SLC28A2: variants seen among roughly 807,000 people sequenced by gnomAD.
SLC28A2 encodes sodium/nucleoside cotransporter 2.
Under a neutral mutation model 72.9 loss-of-function variants are expected in SLC28A2, and 69 were observed. The ratio of observed to expected loss-of-function variants is 0.95; its 90% CI spans 0.78 to 1.16. The LOEUF (loss-of-function observed/expected upper bound fraction) is 1.16. Ranked by LOEUF, SLC28A2 falls within the 50% of genes most tolerant of loss-of-function variation. SLC28A2 has a pLI of 0.00. For missense variants in SLC28A2, 745 were observed against 791.1 expected, an observed-to-expected ratio of 0.94 and a Z score of 0.70; for synonymous variants, 296 against 294.1, an observed-to-expected ratio of 1.01 and a Z score of -0.07.
chr15:45,252,311 C>T (rs1437745319), intron 1 of SLC28A2, 33 bp downstream of exon 1: 5 of 455,698 alleles, frequency 1.1e-5, no homozygotes, highest in Non-Finnish European at 2.2e-5. Context: ...GGGCAGGTGC[C>T]TAATTTACAA....
At chr15:45,261,635 G>A (rs1028973662) in intron 3 of SLC28A2, among the ~76,000 whole-genome samples, 13 of 152,272 alleles carry the variant, frequency 8.5e-5, no homozygotes, top group African/African-American at 3.1e-4. Context: ...TTGGTTTTTA[G>A]GGAGGGATGG....
At chr15:45,264,204 A>G (rs548764876) in intron 6 of SLC28A2, among the ~76,000 whole-genome samples, 182 bp downstream of exon 6, 1 of 152,382 alleles carries the variant, frequency 6.6e-6, no homozygotes, top group African/African-American at 2.4e-5. Context: ...CAAAGGCCCT[A>G]GACCACTTAT....
chr15:45,270,922 C>G (rs1313294923), intron 15 of SLC28A2, among the ~76,000 whole-genome samples: 1 of 152,156 alleles, frequency 6.6e-6, no homozygotes, highest in African/African-American at 2.4e-5. Flanking sequence ...CAGGCGTGAG[C>G]CACCACACCT....
At chr15:45,272,873 G>A in intron 17 of SLC28A2, 89 bp downstream of exon 17, 1 of 714,252 alleles carries the variant, frequency 1.4e-6, no homozygotes, top group Non-Finnish European at 2.5e-6. Context: ...GTGTATAAGG[G>A]CTGTGAGTAT....
chr15:45,264,843 G>C (rs901230677), intron 7 of SLC28A2, 75 bp downstream of exon 7: 1 of 929,418 alleles, frequency 1.1e-6, no homozygotes, highest in African/African-American at 1.6e-5. Context: ...AGCATGAGAA[G>C]ATTAGGCTGT....
chr15:45,276,844 T>C lies in SLC28A2; in HGVS notation c.*1331T>C, dbSNP rs142473282. The C allele has an allele frequency of 3.0e-3, 460 of 152,314 alleles. 1 individual carries two copies. The highest frequency in any genetic ancestry group is 0.01 in the African/African-American group (435 of 41,576). 9.4% of individuals were successfully genotyped at this position (152,314 alleles called of 1,614,324 possible). A position where few individuals can be genotyped will look rare whatever the true frequency, so the allele number is the denominator to read the frequency against. ...ACATTACACAGTAAACAAAAAATAC[T>C]TCCTGTATACTAAGGAAGACTTCTA... On this transcript the variant is annotated 3_prime_UTR_variant, in exon 18 of 18. Transcript: ENST00000347644.
chr15:45,271,989 C>G (rs1399058819), intron 15 of SLC28A2: 1 of 284,396 alleles, frequency 3.5e-6, no homozygotes, highest in African/African-American at 2.2e-5. Flanking sequence ...GGCATTTGTA[C>G]CTGTCTGGAG....
chr15:45,253,129 T>C (rs1899848288), intron 1 of SLC28A2, 71 bp from the exon 2 acceptor site: 25 of 1,000,862 alleles, frequency 2.5e-5, no homozygotes, highest in Non-Finnish European at 3.9e-5. Flanking sequence ...TAACTGGTCC[T>C]AAAAATTCTC....
At chr15:45,265,732 GC>G in intron 9 of SLC28A2, 69 bp downstream of exon 9, 1 of 1,051,612 alleles carries the variant, frequency 9.5e-7, no homozygotes, top group Non-Finnish European at 1.5e-6. Context: ...TTGGAAAAAT[GC>G]CCATAGCTAA....
intron 3 of SLC28A2, among the ~76,000 whole-genome samples, chr15:45,257,244 C>A (rs2413773): frequency 0.47 from 71,908 of 151,958 alleles, 20,688 homozygotes; most frequent in Non-Finnish European, 0.67. Context: ...GCCTCTCCTC[C>A]CCTCAACCTC....
At chr15:45,261,961 T>C in intron 3 of SLC28A2, 54 bp from the exon 4 acceptor site, 1 of 1,089,102 alleles carries the variant, frequency 9.2e-7, no homozygotes, top group African/African-American at 1.5e-5. Context: ...AGAGTTGAAT[T>C]AATAGAAATG....
intron 3 of SLC28A2, among the ~76,000 whole-genome samples, chr15:45,261,056 T>C (rs1319683669): frequency 6.6e-6 from 1 of 152,216 alleles, no homozygotes; most frequent in Non-Finnish European, 1.5e-5. Flanking sequence ...TAGGAGTTAA[T>C]GGCTGGTCCT....
In SLC28A2 at chr15:45,263,922, T is replaced by G. The variant is rs2271437; in HGVS notation, c.488T>G (p.Leu163Trp). ...GVSLVGLILWLALDTAQRPEQ... is the reference protein window; with the variant it reads ...GVSLVGLILWWALDTAQRPEQ... ...TCCTTGGTTGGCCTTATACTGTGGT[T>G]GGCTTTAGACACAGCCCAAAGGCCA... The change falls in exon 6 of 18, where the codon TTG becomes TGG. Residue 163 changes from leucine (L) to tryptophan (W), a missense_variant. Transcript: ENST00000347644. 10,853 of 1,613,414 alleles carry G rather than the reference T, an allele frequency of 6.7e-3. 707 individuals carry two copies. The Admixed American group carries it at 0.13, about 19-fold the overall frequency.
At chr15:45,263,269 G>A (rs1900220661) in intron 5 of SLC28A2, 25 bp downstream of exon 5, 1 of 1,607,414 alleles carries the variant, frequency 6.2e-7, no homozygotes, top group South Asian at 1.1e-5. Context: ...TCAATACCTG[G>A]CCTCACAGCT....
In SLC28A2 at chr15:45,263,990, A is replaced by G. The variant is rs1900244697; in HGVS notation, c.556A>G (p.Ile186Val). ...PFAGICMFIL[I>V]LFACSKHHSA... The stretch of plus-strand genomic sequence containing the variant: ...TGCAGGAATCTGCATGTTCATCCTT[A>G]TCCTCTTTGCCTGCTCCAAACACCA... Residue 186 changes from isoleucine to valine, a missense_variant, in exon 6 of 18, where the codon ATC (isoleucine) becomes GTC (valine). Transcript: ENST00000347644. 1 of 1,613,436 alleles carries G rather than the reference A, an allele frequency of 6.2e-7. No individual in the cohort carries two copies. Among genetic ancestry groups the G allele is most frequent in the Non-Finnish European group, 8.5e-7 (1 of 1,179,722 alleles).
intron 5 of SLC28A2, 137 bp from the exon 6 acceptor site, chr15:45,263,744 A>G: frequency 1.3e-6 from 1 of 753,922 alleles, no homozygotes; most frequent in East Asian, 2.7e-5. Context: ...CGTCTACAGC[A>G]GCCACAGCTC....
In SLC28A2 at chr15:45,272,685, T is replaced by G; in HGVS notation, c.1760T>G (p.Val587Gly). 6.3e-7 allele frequency: 1 copy of G among 1,594,488 alleles called. No individual in the cohort carries two copies. Among genetic ancestry groups the G allele is most frequent in the Non-Finnish European group, 8.6e-7 (1 of 1,162,130 alleles). ...CTCCTTTATCCAGGAATCCTCTATG[T>G]CCCCAGGGGAGCTGAAGCTGACTGT... ...ISACMAGILY[V>G]PRGAEADCVS... The change falls in exon 17 of 18, where the codon GTC becomes GGC. Residue 587 changes from valine to glycine, a missense_variant. By Grantham distance (109) the Val-to-Gly change is moderately radical. Coordinates refer to ENST00000347644, the MANE Select transcript of SLC28A2 (RefSeq NM_004212.4).
rs1441797599 is a variant in SLC28A2 at position 45,270,184 on chromosome 15, GT to G, written c.1567-7del. The G allele has an allele frequency of 6.2e-7, 1 of 1,601,828 alleles. No homozygotes were observed. The highest frequency in any genetic ancestry group is 8.6e-7 in the Non-Finnish European group (1 of 1,169,086). Reference sequence around the variant, plus strand: ...TGAATTTATTTGCTTATTTATTTTTGTTTTCCCTAGGTGAGAGCTGAAATCA... The same window carrying G: ...TGAATTTATTTGCTTATTTATTTTTGTTTCCCTAGGTGAGAGCTGAAATCA... On this transcript the variant is annotated splice_polypyrimidine_tract_variant and intron_variant, in intron 14 of 17. Coordinates refer to ENST00000347644, the MANE Select transcript of SLC28A2 (RefSeq NM_004212.4).
chr15:45,253,715 G>A, intron 3 of SLC28A2, 195 bp downstream of exon 3: 1 of 473,318 alleles, frequency 2.1e-6, no homozygotes, highest in Middle Eastern at 5.5e-4. Flanking sequence ...ATCAGTGTTG[G>A]TTGGACTGAA....
Sources: gnomAD v4.1 joint callset for allele counts (sites outside exome capture counted in the v4.1 genomes callset) on GRCh38, gnomAD v4.1.1 for gene constraint, MANE v1.5 for transcripts, NCBI Gene and HGNC (gene_info 2026-07-23, HGNC 2026-07-21) for gene names.